The following MNAT1 variants were observed in gnomAD, a reference collection of about 807,000 sequenced individuals.
The protein encoded by MNAT1 is MNAT1 component of CDK activating kinase.
Under a neutral mutation model 42.0 loss-of-function variants are expected in MNAT1, and 43 were observed. The observed-to-expected ratio is 1.02, with a 90% CI of 0.80 to 1.32. The LOEUF is 1.32. MNAT1 is among the 40% of genes most tolerant of loss of function. The pLI is 0.00. For synonymous variants in MNAT1, 118 were observed against 120.0 expected (o/e 0.98, Z 0.11); for missense variants, 306 against 350.4 (o/e 0.87, Z 1.01).
At chr14:60,768,430 G>GAT in intron 1 of MNAT1, among the ~76,000 whole-genome samples, 1 of 152,290 alleles carries the variant, frequency 6.6e-6, no homozygotes, top group South Asian at 2.1e-4. Flanking sequence ...GGTTTTAAAT[G>GAT]ATATGTTCTA....
chr14:60,848,191 T>G (rs976982216), intron 6 of MNAT1, among the ~76,000 whole-genome samples: 7 of 152,194 alleles, frequency 4.6e-5, no homozygotes, highest in African/African-American at 1.7e-4. Flanking sequence ...AATTCTTGGT[T>G]TAGTGTTTTT....
At chr14:60,771,511 G>A (rs1453584172) in intron 1 of MNAT1, among the ~76,000 whole-genome samples, 1 of 152,180 alleles carries the variant, frequency 6.6e-6, no homozygotes, top group East Asian at 1.9e-4. Flanking sequence ...CTTAAAATAA[G>A]TAATTTATGT....
At chr14:60,861,101 CTT>C (rs1250976351) in intron 6 of MNAT1, among the ~76,000 whole-genome samples, 1 of 151,812 alleles carries the variant, frequency 6.6e-6, no homozygotes, top group African/African-American at 2.4e-5. Flanking sequence ...CAATTTTTAT[CTT>C]GTCTCATGTA....
rs75127830 is a variant in MNAT1, at chr14:60,891,225, G to A, written c.809+11390G>A. Among the ~76,000 whole-genome samples the A allele has an allele frequency of 6.9e-3, 1,052 of 151,764 alleles. 5 individuals are homozygous for A. The highest frequency in any genetic ancestry group is 0.01 in the Middle Eastern group (3 of 290). On this transcript the variant is annotated intron_variant, in intron 7 of 7. Transcript: ENST00000261245. ...ATTTTACTAATTTAAGTCTTCTCTCGTTTTTTCTTAGTCTGTTTAGCTAAA... is the reference window on the plus strand; with the variant it reads ...ATTTTACTAATTTAAGTCTTCTCTCATTTTTTCTTAGTCTGTTTAGCTAAA...
At chr14:60,949,055 G>T (rs1014206655) in intron 7 of MNAT1, among the ~76,000 whole-genome samples, 5 of 152,058 alleles carry the variant, frequency 3.3e-5, no homozygotes, top group Non-Finnish European at 5.9e-5. Context: ...ATCACATGTA[G>T]AATTAATTTT....
intron 5 of MNAT1, among the ~76,000 whole-genome samples, chr14:60,812,472 C>T (rs1020502296): frequency 1.3e-5 from 2 of 152,178 alleles, no homozygotes; most frequent in Non-Finnish European, 2.9e-5. Context: ...GGGACGGGTA[C>T]CCAGAGAAAC....
chr14:60,876,987 T>C (rs1447843413), intron 6 of MNAT1, among the ~76,000 whole-genome samples: 1 of 152,084 alleles, frequency 6.6e-6, no homozygotes, highest in Non-Finnish European at 1.5e-5. Flanking sequence ...TAATTCTGTT[T>C]TTAATTTTTT....
At chr14:60,960,852 A>G (rs2036574417) in intron 7 of MNAT1, among the ~76,000 whole-genome samples, 1 of 152,210 alleles carries the variant, frequency 6.6e-6, no homozygotes, top group South Asian at 2.1e-4. Context: ...TGGACTAGAG[A>G]AACATCCTCC....
At chr14:60,787,323 G>A (rs2031681355) in intron 1 of MNAT1, among the ~76,000 whole-genome samples, 1 of 152,116 alleles carries the variant, frequency 6.6e-6, no homozygotes, top group South Asian at 2.1e-4. Context: ...ATATCAATAT[G>A]ACTAAAAAAC....
intron 7 of MNAT1, among the ~76,000 whole-genome samples, chr14:60,948,100 C>G (rs1474310856): frequency 1.1e-4 from 17 of 152,144 alleles, no homozygotes; most frequent in Admixed American, 1.1e-3. Flanking sequence ...TATTCACCTG[C>G]TGACATTTTT....
intron 6 of MNAT1, among the ~76,000 whole-genome samples, chr14:60,841,349 TTTATC>T (rs1190168105): frequency 6.6e-6 from 1 of 152,200 alleles, no homozygotes; most frequent in African/African-American, 2.4e-5. Flanking sequence ...TAAGCTGTTA[TTTATC>T]TTATTTGTTA....
intron 1 of MNAT1, among the ~76,000 whole-genome samples, chr14:60,773,938 T>A (rs183106794): frequency 6.6e-6 from 1 of 152,300 alleles, no homozygotes. Context: ...GGAAAATGAA[T>A]GTAGTTTCCA....
At chr14:60,832,208 G>A (rs1284849078) in intron 6 of MNAT1, among the ~76,000 whole-genome samples, 1 of 151,756 alleles carries the variant, frequency 6.6e-6, no homozygotes, top group Non-Finnish European at 1.5e-5. Flanking sequence ...GTCAGTTTTG[G>A]CTGTTGCCAT....
At chr14:60,964,365 T>G (rs1297058387) in intron 7 of MNAT1, among the ~76,000 whole-genome samples, 1 of 152,200 alleles carries the variant, frequency 6.6e-6, no homozygotes, top group East Asian at 1.9e-4. Context: ...AGAGCATAAA[T>G]TAGGGCATAA....
chr14:60,832,933 G>T (rs928125487), intron 6 of MNAT1, among the ~76,000 whole-genome samples: 2 of 151,968 alleles, frequency 1.3e-5, no homozygotes. Context: ...TATTCTATTT[G>T]TAGCAATTGT....
chr14:60,842,814 A>G (rs2033586087), intron 6 of MNAT1, among the ~76,000 whole-genome samples: 1 of 152,226 alleles, frequency 6.6e-6, no homozygotes, highest in South Asian at 2.1e-4. Context: ...TAACCTGCTG[A>G]ACATCATAAT....
At chr14:60,757,111 C>T (rs1209805649) in intron 1 of MNAT1, among the ~76,000 whole-genome samples, 1 of 152,088 alleles carries the variant, frequency 6.6e-6, no homozygotes, top group Non-Finnish European at 1.5e-5. Flanking sequence ...TCTGGTACTG[C>T]AGAAGTTGTT....
At chr14:60,807,125 C>T in intron 3 of MNAT1, among the ~76,000 whole-genome samples, 1 of 152,180 alleles carries the variant, frequency 6.6e-6, no homozygotes, top group Non-Finnish European at 1.5e-5. Context: ...GCCTTTATAC[C>T]TAAATGAGCC....
At chr14:60,953,733 A>G (rs1347559279) in intron 7 of MNAT1, among the ~76,000 whole-genome samples, 2 of 152,252 alleles carry the variant, frequency 1.3e-5, no homozygotes, top group East Asian at 3.9e-4. Flanking sequence ...TACAATTTAC[A>G]TTCTCATTAA....
Sources: gnomAD v4.1 joint callset for allele counts (sites outside exome capture counted in the v4.1 genomes callset) on GRCh38, gnomAD v4.1.1 for gene constraint, MANE v1.5 for transcripts, NCBI Gene and HGNC (gene_info 2026-07-23, HGNC 2026-07-21) for gene names.